Variants in ALK observed in about 807,000 individuals in gnomAD.
ALK encodes the protein ALK tyrosine kinase receptor.
Under a neutral mutation model 163.1 loss-of-function variants are expected in ALK, and 74 were observed. That is an observed-to-expected ratio of 0.45 (90% CI 0.38 to 0.55). The LOEUF (loss-of-function observed/expected upper bound fraction) is 0.55. Ranked by LOEUF, ALK falls within the 20% of genes least tolerant of loss-of-function variation. The pLI, the probability that ALK is intolerant of heterozygous loss-of-function variation, is 0.00. For missense variants in ALK, 2,063 were observed against 2,105.3 expected, an observed-to-expected ratio of 0.98 and a Z score of 0.39; for synonymous variants, 960 against 843.2, an observed-to-expected ratio of 1.14 and a Z score of -2.40.
In ALK at chr2:29,324,518, A is replaced by G. The variant is rs79576072; in HGVS notation, c.1415-3636T>C. On this transcript the variant is annotated intron_variant, in intron 6 of 28. Transcript: ENST00000389048. ...TTACAACCAGTATGTTTTATCTTAC[A>G]ATAAAGAAATACACTTTTAAAACAC... Among the ~76,000 whole-genome samples the G allele has an allele frequency of 3.2e-4, 48 of 152,338 alleles. No individual in the cohort carries two copies. In the East Asian group the frequency reaches 8.3e-3, roughly 26 times the overall value.
intron 1 of ALK, among the ~76,000 whole-genome samples, chr2:29,746,279 T>C (rs1382755187): frequency 6.6e-6 from 1 of 152,218 alleles, no homozygotes; most frequent in Non-Finnish European, 1.5e-5. Context: ...AAAATTAAAA[T>C]GTAGCTAGAG....
chr2:29,435,463 T>C (rs934892490), intron 4 of ALK, among the ~76,000 whole-genome samples: 1 of 151,986 alleles, frequency 6.6e-6, no homozygotes, highest in Admixed American at 6.6e-5. Context: ...AAAAAAAAAG[T>C]TTGAACATGC....
At chr2:29,592,239 A>C (rs1356145433) in intron 3 of ALK, among the ~76,000 whole-genome samples, 3 of 152,066 alleles carry the variant, frequency 2.0e-5, no homozygotes, top group Non-Finnish European at 4.4e-5. Flanking sequence ...TTGTTCCTGG[A>C]ATACCACCAG....
rs1666683292 is a variant in ALK, at chr2:29,311,139, GCCCT to G, written c.1647+7161_1647+7164del. Among the ~76,000 whole-genome samples, 5 of 152,354 alleles carry G rather than the reference GCCCT, an allele frequency of 3.3e-5. No homozygotes were observed. In the South Asian group the frequency reaches 1.0e-3, roughly 32 times the overall value. ...CAGTGTTAGCAGCTGCCAGGGCTCA[GCCCT>G]CCTGAGGTTTCAGCACCAGGGTGAG... On this transcript the variant is annotated intron_variant, in intron 8 of 28. Coordinates refer to ENST00000389048, the MANE Select transcript of ALK (RefSeq NM_004304.5).
chr2:29,455,069 A>G (rs983115844), intron 4 of ALK, among the ~76,000 whole-genome samples: 5 of 152,284 alleles, frequency 3.3e-5, no homozygotes, highest in African/African-American at 1.2e-4. Context: ...CCTAGACGTC[A>G]TCTAATCCAG....
Position 29,920,751 on chromosome 2 carries a change from T to C in ALK, c.-92A>G, listed in dbSNP as rs1667979091. On this transcript the variant is annotated 5_prime_UTR_variant, in exon 1 of 29. Coordinates refer to ENST00000389048, the MANE Select transcript of ALK (RefSeq NM_004304.5). ...GGAAGAGGCTCTGAACAGTCCTTGG[T>C]ACCCAGCGGCTCCTTCCACCTGATC... The C allele has an allele frequency of 8.4e-7, 1 of 1,191,424 alleles. No individual in the cohort carries two copies. The highest frequency in any genetic ancestry group is 1.2e-6 in the Non-Finnish European group (1 of 846,530). The allele number at this position is 1,191,424 out of a possible 1,614,324, so 73.8% of individuals were successfully genotyped here.
rs529549449 is a variant in ALK at position 29,643,741 on chromosome 2, T to A, written c.952+51109A>T. On this transcript the variant is annotated intron_variant, in intron 3 of 28. Coordinates refer to ENST00000389048, the MANE Select transcript of ALK (RefSeq NM_004304.5). ...TACTATAACAATCGAAATCTAGTAGTTTCCCAACAGGTGATGGAGAGGATG... is the reference window on the plus strand; with the variant it reads ...TACTATAACAATCGAAATCTAGTAGATTCCCAACAGGTGATGGAGAGGATG... Among the ~76,000 whole-genome samples, 21 of 152,190 alleles carry A rather than the reference T, an allele frequency of 1.4e-4. No individual in the cohort carries two copies. In the South Asian group the frequency reaches 3.7e-3, roughly 27 times the overall value.
intron 11 of ALK, among the ~76,000 whole-genome samples, chr2:29,274,501 G>A (rs1665476809): frequency 6.6e-6 from 1 of 152,232 alleles, no homozygotes; most frequent in Non-Finnish European, 1.5e-5. Flanking sequence ...CACAGCCGCT[G>A]GTCTAATAGA....
chr2:29,429,213 A>C (rs1473083156), intron 4 of ALK, among the ~76,000 whole-genome samples: 4 of 152,066 alleles, frequency 2.6e-5, no homozygotes, highest in African/African-American at 9.6e-5. Flanking sequence ...ATATCAGCTC[A>C]TGCCACTTCT....
At chr2:29,656,195 AC>A (rs550640717) in intron 3 of ALK, among the ~76,000 whole-genome samples, 16 of 152,006 alleles carry the variant, frequency 1.1e-4, no homozygotes, top group Non-Finnish European at 1.6e-4. Flanking sequence ...TACTTCATTA[AC>A]CCCACCCCCA....
chr2:29,295,724 T>C (rs114202388), intron 9 of ALK, among the ~76,000 whole-genome samples: 169 of 152,318 alleles, frequency 1.1e-3, no homozygotes, highest in African/African-American at 4.0e-3. Flanking sequence ...CCAACTAGCA[T>C]CACCCTCCAC....
intron 1 of ALK, among the ~76,000 whole-genome samples, chr2:29,873,146 G>A (rs1666619896): frequency 6.6e-6 from 1 of 152,206 alleles, no homozygotes; most frequent in Admixed American, 6.5e-5. Flanking sequence ...ACTGACAGAT[G>A]TTTTATCAAA....
At chr2:29,562,668 TTTTACA>T (rs1245630879) in intron 3 of ALK, among the ~76,000 whole-genome samples, 1 of 152,182 alleles carries the variant, frequency 6.6e-6, no homozygotes, top group African/African-American at 2.4e-5. Flanking sequence ...TCCATAAACC[TTTTACA>T]TTTGAGTATG....
rs371738899 is a variant in ALK at position 29,296,880 on chromosome 2, G to A, written c.1817+8C>T. ...AGAAGGGTATTGGGGGAGATGCATA[G>A]AGCCTACCTGTCAGACACATCGAGG... On this transcript the variant is annotated splice_region_variant and intron_variant, in intron 9 of 28. Transcript: ENST00000389048. The A allele has an allele frequency of 1.4e-5, 23 of 1,613,986 alleles. No individual in the cohort carries two copies. In the African/African-American group the frequency reaches 2.8e-4, roughly 20 times the overall value.
chr2:29,387,385 A>C (rs1157332732), intron 4 of ALK, among the ~76,000 whole-genome samples: 1 of 152,192 alleles, frequency 6.6e-6, no homozygotes, highest in Admixed American at 6.5e-5. Flanking sequence ...GAGTGCCTAT[A>C]TTATAATGAG....
At chr2:29,424,246 G>A (rs536240266) in intron 4 of ALK, among the ~76,000 whole-genome samples, 4 of 152,078 alleles carry the variant, frequency 2.6e-5, no homozygotes, top group Admixed American at 2.0e-4. Context: ...TGATATGAAT[G>A]GCTTATCTAA....
intron 1 of ALK, among the ~76,000 whole-genome samples, chr2:29,779,266 C>A (rs888279006): frequency 1.3e-5 from 2 of 152,188 alleles, no homozygotes; most frequent in Non-Finnish European, 2.9e-5. Context: ...TCAGACAGCC[C>A]TATTTGGAAG....
chr2:29,846,432 T>C (rs1057423760), intron 1 of ALK, among the ~76,000 whole-genome samples: 8 of 152,262 alleles, frequency 5.3e-5, no homozygotes, highest in Non-Finnish European at 1.0e-4. Context: ...TCTGTCTTCC[T>C]TTCAAGAATA....
chr2:29,539,400 T>C (rs1231741432), intron 3 of ALK, among the ~76,000 whole-genome samples: 2 of 152,170 alleles, frequency 1.3e-5, no homozygotes, highest in Non-Finnish European at 2.9e-5. Context: ...AAGATTATTA[T>C]GTTAAATTGT....
Sources: gnomAD v4.1 joint callset for allele counts (sites outside exome capture counted in the v4.1 genomes callset) on GRCh38, gnomAD v4.1.1 for gene constraint, MANE v1.5 for transcripts, NCBI Gene and HGNC (gene_info 2026-07-23, HGNC 2026-07-21) for gene names.